GCN1: variants seen among roughly 807,000 people sequenced by gnomAD.
The protein encoded by GCN1 is GCN1 activator of EIF2AK4.
GCN1 carries 90 observed loss-of-function variants against 288.4 expected under a neutral mutation model. The observed-to-expected ratio is 0.31, with a 90% CI of 0.26 to 0.37. The LOEUF is 0.37. Ranked by LOEUF, GCN1 falls within the 10% of genes least tolerant of loss-of-function variation. The pLI is 1.00. For synonymous variants in GCN1, 1,386 were observed against 1,420.2 expected, an observed-to-expected ratio of 0.98 and a Z score of 0.54; for missense variants, 2,586 against 3,419.9, an observed-to-expected ratio of 0.76 and a Z score of 6.08.
chr12:120,151,050 G>A lies in GCN1; in HGVS notation c.4309+95C>T, dbSNP rs1384182704. The A allele has an allele frequency of 1.6e-5, 22 of 1,374,830 alleles. No homozygotes were observed. The East Asian group carries it at 2.3e-4, about 14-fold the overall frequency. 85.2% of individuals were successfully genotyped at this position (1,374,830 alleles called of 1,614,324 possible). A position where few individuals can be genotyped will look rare whatever the true frequency, so the allele number is the denominator to read the frequency against. On this transcript the variant is annotated intron_variant, in intron 34 of 57. Coordinates refer to ENST00000300648, the MANE Select transcript of GCN1 (RefSeq NM_006836.2). The stretch of plus-strand genomic sequence containing the variant: ...CCTCTGTAGTACACGCACAAGCAAC[G>A]GCCTCCACCTGGGGCGCCACGGTCA...
chr12:120,151,701 T>C (rs1877560063), intron 33 of GCN1, among the ~76,000 whole-genome samples: 1 of 152,156 alleles, frequency 6.6e-6, no homozygotes, highest in Admixed American at 6.5e-5. Context: ...AAAGACTAAA[T>C]CCACTCAGAA....
intron 15 of GCN1, among the ~76,000 whole-genome samples, chr12:120,169,493 T>C (rs1190604522): frequency 2.0e-5 from 3 of 151,810 alleles, no homozygotes; most frequent in Non-Finnish European, 4.4e-5. Flanking sequence ...TGTCTGGACA[T>C]AAAATTGGTA....
chr12:120,188,451 A>AC (rs1373557538), intron 2 of GCN1, among the ~76,000 whole-genome samples: 1 of 151,104 alleles, frequency 6.6e-6, no homozygotes, highest in Non-Finnish European at 1.5e-5. Context: ...AAAAAAAAAA[A>AC]AAAAAAACCT....
In GCN1 at chr12:120,131,925, C is replaced by G; in HGVS notation, c.7414+1G>C. ...GAAGGGGAACTCTCCAGTGTACTTA[C>G]CCAGCAAGCACTGCTGTAGAACGGC... is the stretch of plus-strand genomic sequence containing the variant. On this transcript the variant is annotated splice_donor_variant, in intron 54 of 57. Transcript: ENST00000300648. LOFTEE classifies it high-confidence loss of function. The G allele has an allele frequency of 6.3e-7, 1 of 1,590,378 alleles. No homozygotes were observed. Among genetic ancestry groups the G allele is most frequent in the Non-Finnish European group, 8.6e-7 (1 of 1,163,876 alleles).
rs201607312 is a variant in GCN1, at chr12:120,162,815, C to G, written c.2163+32G>C. The stretch of plus-strand genomic sequence containing the variant: ...TGTGATGAGAGGGCCCCCTCCCGGA[C>G]CTGAGGCCAGACCAGCTCATGTGCC... On this transcript the variant is annotated intron_variant, in intron 20 of 57. Coordinates refer to ENST00000300648, the MANE Select transcript of GCN1 (RefSeq NM_006836.2). 1.2e-4 allele frequency: 200 copies of G among 1,610,770 alleles called. 1 individual carries two copies. In the Middle Eastern group the frequency reaches 2.2e-3, roughly 18 times the overall value.
chr12:120,149,638 G>A lies in GCN1; in HGVS notation c.4514C>T (p.Ala1505Val), dbSNP rs758810397. ...GGTCCGCCACGATTCCTCCTCCAGG[G>A]CAGCCAGTAAGGAGGGGAGCACCAG... ...VKLVLPSLLA[A>V]LEEESWRTKA... Residue 1505 changes from alanine (A) to valine (V), a missense_variant, in exon 36 of 58, where the codon GCC becomes GTC. Ala to Val is a moderately conservative substitution (Grantham distance 64, BLOSUM62 0). Transcript: ENST00000300648. 1 of 1,613,606 alleles carries A rather than the reference G, an allele frequency of 6.2e-7. No homozygotes were observed. Among genetic ancestry groups the A allele is most frequent in the Non-Finnish European group, 8.5e-7 (1 of 1,179,776 alleles).
chr12:120,185,335 C>T (rs1218201309), intron 2 of GCN1, among the ~76,000 whole-genome samples: 2 of 152,102 alleles, frequency 1.3e-5, no homozygotes, highest in African/African-American at 2.4e-5. Flanking sequence ...GGGAAGAACA[C>T]CTATAACTGG....
Position 120,134,653 on chromosome 12 carries a change from C to G in GCN1, c.7082G>C (p.Arg2361Pro). The G allele has an allele frequency of 1.9e-6, 3 of 1,613,850 alleles. No individual in the cohort carries two copies. The highest frequency in any genetic ancestry group is 2.2e-5 in the South Asian group (2 of 91,072). The change falls in exon 52 of 58, where the codon CGG becomes CCG. Residue 2361 changes from arginine to proline, a missense_variant. Coordinates refer to ENST00000300648, the MANE Select transcript of GCN1 (RefSeq NM_006836.2). The surrounding 1 kb of genome is among the most constrained non-coding windows in gnomAD (Gnocchi z 5.0). ...ATCTGCGGCCTTCAGGCGCACCCCC[C>G]GGTTGGAGTCCTGCAGGGCTTTGGT... ...TFTKALQDSNRGVRLKAADAL... is the reference protein window; with the variant it reads ...TFTKALQDSNPGVRLKAADAL...
Position 120,194,694 on chromosome 12 carries a change from C to A in GCN1, c.4G>T (p.Ala2Ser). 1 of 1,512,672 alleles carries A rather than the reference C, an allele frequency of 6.6e-7. No homozygotes were observed. Among genetic ancestry groups the A allele is most frequent in the Non-Finnish European group, 8.8e-7 (1 of 1,137,254 alleles). The allele number at this position is 1,512,672 out of a possible 1,614,324, so 93.7% of individuals were successfully genotyped here. A position where few individuals can be genotyped will look rare whatever the true frequency, so the allele number is the denominator to read the frequency against. The change falls in exon 1 of 58, where the codon GCG becomes TCG. Residue 2 changes from alanine to serine, a missense_variant. By Grantham distance (99) the Ala-to-Ser change is moderately conservative. Coordinates refer to ENST00000300648, the MANE Select transcript of GCN1 (RefSeq NM_006836.2). M[A>S]ADTQVSETLK... ...GCCCGCCTCACCTGCGTGTCCGCCG[C>A]CATCCTGCCGGGGCTGACTCCGGAA...
intron 16 of GCN1, among the ~76,000 whole-genome samples, chr12:120,166,053 G>A (rs957996657): frequency 2.6e-5 from 4 of 151,836 alleles, no homozygotes; most frequent in Non-Finnish European, 5.9e-5. Flanking sequence ...CTCCCAAAGT[G>A]CTGGGATTAC....
chr12:120,127,840 C>T lies in GCN1; in HGVS notation c.*9G>A, dbSNP rs758855463. On this transcript the variant is annotated 3_prime_UTR_variant, in exon 58 of 58. Coordinates refer to ENST00000300648, the MANE Select transcript of GCN1 (RefSeq NM_006836.2). The stretch of plus-strand genomic sequence containing the variant: ...GTGGAGCGGCAATGCTGCTGCTGGC[C>T]CAGGCCTCTCATGTCAGGATGGTGT... The T allele has an allele frequency of 1.7e-5, 27 of 1,612,286 alleles. No individual in the cohort carries two copies. The highest frequency in any genetic ancestry group is 2.0e-5 in the Non-Finnish European group (24 of 1,178,672).
chr12:120,144,870 G>A lies in GCN1; in HGVS notation c.5156-35C>T. 6.2e-7 allele frequency: 1 copy of A among 1,613,904 alleles called. No homozygotes were observed. The highest frequency in any genetic ancestry group is 8.5e-7 in the Non-Finnish European group (1 of 1,179,766). On this transcript the variant is annotated intron_variant, in intron 40 of 57. Transcript: ENST00000300648. The surrounding 1 kb of genome is among the most constrained non-coding windows in gnomAD (Gnocchi z 4.7). ...AGGACAGAATGAGTCCACTGGATCT[G>A]AGGGCCCCTTAGAGCATTCCCAGGC...
Position 120,137,917 on chromosome 12 carries a change from G to A in GCN1, c.6377C>T (p.Thr2126Ile), listed in dbSNP as rs1877064243. Residue 2126 changes from threonine to isoleucine, a missense_variant, in exon 48 of 58, where the codon ACC (threonine) becomes ATC (isoleucine). Transcript: ENST00000300648. The surrounding 1 kb of genome is among the most constrained non-coding windows in gnomAD (Gnocchi z 5.2). The stretch of plus-strand genomic sequence containing the variant: ...GCCCCTTACCAGCTGCTCATCTGGG[G>A]TCCCAAGCTTTTCCTTCAGGGCCAG... ...VMLALKEKLG[T>I]PDEQLEMANC... 6.2e-7 allele frequency: 1 copy of A among 1,614,052 alleles called. No homozygotes were observed. The highest frequency in any genetic ancestry group is 1.3e-5 in the African/African-American group (1 of 74,900).
chr12:120,137,362 C>T lies in GCN1; in HGVS notation c.6664-43G>A. 6.5e-7 allele frequency: 1 copy of T among 1,532,166 alleles called. No homozygotes were observed. Among genetic ancestry groups the T allele is most frequent in the Non-Finnish European group, 9.0e-7 (1 of 1,106,532 alleles). 94.9% of individuals were successfully genotyped at this position (1,532,166 alleles called of 1,614,324 possible). A position where few individuals can be genotyped will look rare whatever the true frequency, so the allele number is the denominator to read the frequency against. ...AAAGCGAGAGGATGTACAGCCCTCT[C>T]AAGACTGCTTCCAAAGAATATATGG... On this transcript the variant is annotated intron_variant, in intron 49 of 57. Coordinates refer to ENST00000300648, the MANE Select transcript of GCN1 (RefSeq NM_006836.2). This position sits in a 1 kb window ranked among gnomAD's most constrained non-coding sequence, Gnocchi z 5.2.
chr12:120,168,039 G>A (rs745544133), intron 16 of GCN1, among the ~76,000 whole-genome samples, 169 bp downstream of exon 16: 1 of 151,904 alleles, frequency 6.6e-6, no homozygotes, highest in African/African-American at 2.4e-5. Context: ...CTAACCTTAT[G>A]TTCCCTACAG....
At chr12:120,164,978 TAC>T (rs1566311318) in intron 16 of GCN1, among the ~76,000 whole-genome samples, 4 of 144,360 alleles carry the variant, frequency 2.8e-5, no homozygotes, top group Middle Eastern at 3.6e-3. Flanking sequence ...CACATATATA[TAC>T]ATATACATAT....
At position 120,134,144 on chromosome 12, in the gene GCN1, G is replaced by C. The variant is rs776999645; in HGVS notation, c.7317+147C>G. 1.0e-5 allele frequency: 6 copies of C among 597,626 alleles called. No homozygotes were observed. The highest frequency in any genetic ancestry group is 1.8e-5 in the Non-Finnish European group (6 of 332,660). 37.0% of individuals were successfully genotyped at this position (597,626 alleles called of 1,614,324 possible). A position where few individuals can be genotyped will look rare whatever the true frequency, so the allele number is the denominator to read the frequency against. ...TTCCCTTGAAACCCGAGGAAATGTTGGTGAAGCATACAGGGTGATAGAAAT... is the reference window on the plus strand; with the variant it reads ...TTCCCTTGAAACCCGAGGAAATGTTCGTGAAGCATACAGGGTGATAGAAAT... On this transcript the variant is annotated intron_variant, in intron 53 of 57. Coordinates refer to ENST00000300648, the MANE Select transcript of GCN1 (RefSeq NM_006836.2). The surrounding 1 kb of genome is among the most constrained non-coding windows in gnomAD (Gnocchi z 5.0).
At chr12:120,175,721 C>A in intron 11 of GCN1, 25 bp downstream of exon 11, 2 of 1,601,414 alleles carry the variant, frequency 1.2e-6, no homozygotes, top group East Asian at 4.5e-5. Context: ...CTCAACCACC[C>A]GCATGGCCAA....
Position 120,153,215 on chromosome 12 carries a change from G to T in GCN1, c.4060C>A (p.Gln1354Lys). 1 of 1,613,744 alleles carries T rather than the reference G, an allele frequency of 6.2e-7. No homozygotes were observed. The highest frequency in any genetic ancestry group is 8.5e-7 in the Non-Finnish European group (1 of 1,179,674). Reference protein sequence around the residue: ...LIAALSTPSQQVQESVASCLP... With the variant: ...LIAALSTPSQKVQESVASCLP... ...GTCCCAGGCCAGATGGCAGGTACCTGCTGGGAGGGGGTGGAGAGGGCAGCG... is the reference window on the plus strand; with the variant it reads ...GTCCCAGGCCAGATGGCAGGTACCTTCTGGGAGGGGGTGGAGAGGGCAGCG... The change falls in exon 33 of 58, where the codon CAG (glutamine) becomes AAG (lysine). Residue 1354 changes from glutamine (Q) to lysine (K), a missense_variant and splice_region_variant. Physicochemically the swap from Gln to Lys is moderately conservative, Grantham distance 53. Transcript: ENST00000300648. The surrounding 1 kb of genome is among the most constrained non-coding windows in gnomAD (Gnocchi z 4.4).
Sources: allele counts gnomAD v4.1 joint callset (sites outside exome capture counted in the v4.1 genomes callset), GRCh38; gene constraint gnomAD v4.1.1; non-coding constraint Gnocchi (gnomAD v3.1); transcripts MANE v1.5; gene names NCBI Gene and HGNC (gene_info 2026-07-23, HGNC 2026-07-21).